CHTF18: variants seen among roughly 807,000 people sequenced by gnomAD.
CHTF18 encodes chromosome transmission fidelity protein 18 homolog.
Under a neutral mutation model 113.4 loss-of-function variants are expected in CHTF18, and 151 were observed. That is an observed-to-expected ratio of 1.33 (90% CI 1.17 to 1.52). The LOEUF is 1.52. Ranked by LOEUF, CHTF18 falls within the 40% of genes most tolerant of loss-of-function variation. The pLI is 0.00. For synonymous variants in CHTF18, 916 were observed against 598.8 expected, an observed-to-expected ratio of 1.53 and a Z score of -7.74; for missense variants, 1,982 against 1,381.6, an observed-to-expected ratio of 1.43 and a Z score of -6.89.
chr16:790,884 C>T (rs1249868866), intron 7 of CHTF18: 8 of 1,432,154 alleles, frequency 5.6e-6, no homozygotes, highest in Admixed American at 2.9e-5. Context: ...AGGGTGTCAC[C>T]TGATCCAAGT....
Position 793,993 on chromosome 16 carries a change from AC to A in CHTF18, c.1803-60del. 8.3e-6 allele frequency: 13 copies of A among 1,562,126 alleles called. No individual in the cohort carries two copies. The South Asian group carries it at 1.4e-4, about 17-fold the overall frequency. ...TGGGGCCTCTGAGTGTCCCGGGGAG[AC>A]GGGTGGGGCTGCCTGTGCTTTTAAC... On this transcript the variant is annotated intron_variant, in intron 14 of 21. Coordinates refer to ENST00000262315, the MANE Select transcript of CHTF18 (RefSeq NM_022092.3).
At chr16:796,312 C>G (rs1205923701) in intron 18 of CHTF18, among the ~76,000 whole-genome samples, 2 of 152,230 alleles carry the variant, frequency 1.3e-5, no homozygotes, top group East Asian at 1.9e-4. Context: ...TTAGCACCCC[C>G]ACATGGAACT....
chr16:797,434 C>A (rs1443919829), intron 20 of CHTF18, among the ~76,000 whole-genome samples: 1 of 152,142 alleles, frequency 6.6e-6, no homozygotes, highest in Non-Finnish European at 1.5e-5. Context: ...TCCTTACCCT[C>A]AGCATGACCA....
Position 795,283 on chromosome 16 carries a change from TGCCCGTG to T in CHTF18, c.2106_2112del (p.Val703SerfsTer26). The T allele has an allele frequency of 6.5e-6, 10 of 1,549,046 alleles. No homozygotes were observed. The highest frequency in any genetic ancestry group is 8.7e-6 in the Non-Finnish European group (10 of 1,146,750). ...CAGCTGCTGCGCTACCCACCCTTCC[TGCCCGTG>T]GCCTTCCATGTGCTGTTTGCTTCCA... On this transcript the variant is annotated frameshift_variant, in exon 16 of 22. Coordinates refer to ENST00000262315, the MANE Select transcript of CHTF18 (RefSeq NM_022092.3). LOFTEE classifies it high-confidence loss of function.
rs750381956 is a variant in CHTF18 at position 790,735 on chromosome 16, G to A, written c.894+69G>A. 47 of 1,460,808 alleles carry A rather than the reference G, an allele frequency of 3.2e-5. 1 individual carries two copies. The South Asian group carries it at 6.4e-4, about 20-fold the overall frequency. The allele number at this position is 1,460,808 out of a possible 1,614,324, so 90.5% of individuals were successfully genotyped here. A position where few individuals can be genotyped will look rare whatever the true frequency, so the allele number is the denominator to read the frequency against. On this transcript the variant is annotated intron_variant, in intron 7 of 21. Coordinates refer to ENST00000262315, the MANE Select transcript of CHTF18 (RefSeq NM_022092.3). Reference sequence around the variant, plus strand: ...CCCAAGATGGAAGAACCTGGGCCCAGTGATTTTTGCACAGCCAATCCACTG... The same window carrying A: ...CCCAAGATGGAAGAACCTGGGCCCAATGATTTTTGCACAGCCAATCCACTG...
intron 18 of CHTF18, 125 bp from the exon 19 acceptor site, chr16:796,592 G>A: frequency 8.5e-7 from 1 of 1,176,508 alleles, no homozygotes; most frequent in Non-Finnish European, 1.2e-6. Context: ...GTGGCACCAG[G>A]ACTCAGCCCC....
rs575052159 is a variant in CHTF18 at position 790,666 on chromosome 16, C to T, written c.894C>T (p.Asp298=). The T allele has an allele frequency of 3.7e-5, 58 of 1,556,006 alleles. No individual in the cohort carries two copies. Among genetic ancestry groups the T allele is most frequent in the African/African-American group, 3.0e-4 (22 of 72,900 alleles). ...ACTACACGGAGCTGCTCAGTGATGA[C>T]GTGAGGTCTTGTTCTCACTCAAGTG... ...PRHYTELLSD[D]FTNRCLLKWL... Residue 298 remains aspartate (D), a splice_region_variant and synonymous_variant, in exon 7 of 22, where the codon GAC becomes GAT. Coordinates refer to ENST00000262315, the MANE Select transcript of CHTF18 (RefSeq NM_022092.3).
intron 15 of CHTF18, 149 bp downstream of exon 15, chr16:794,350 C>T: frequency 1.1e-6 from 1 of 943,914 alleles, no homozygotes; most frequent in Non-Finnish European, 1.6e-6. Context: ...GCCAGGAAGT[C>T]TCTGAGGTGG....
At chr16:790,106 A>C in intron 4 of CHTF18, 71 bp from the exon 5 acceptor site, 3 of 1,542,282 alleles carry the variant, frequency 1.9e-6, no homozygotes, top group African/African-American at 1.4e-5. Context: ...GTCCCTGAGC[A>C]CTGATGGGGG....
In CHTF18 at chr16:788,963, C is replaced by T. The variant is rs772428981; in HGVS notation, c.124C>T (p.Leu42=). ...GACTCCGTCGCCCTCCGGGGTCCCC[C>T]TGTTCACCGCGGGCCGACCCCCGCG... ...ASTPSPSGVP[L]FTAGRPPRTF... is the part of the protein sequence containing the mutation. The change falls in exon 2 of 22, where the codon CTG becomes TTG. Residue 42 remains leucine (L), a synonymous_variant. Transcript: ENST00000262315. 2.5e-6 allele frequency: 4 copies of T among 1,570,612 alleles called. No individual in the cohort carries two copies. The highest frequency in any genetic ancestry group is 2.2e-4 in the Middle Eastern group (1 of 4,472).
intron 9 of CHTF18, 129 bp from the exon 10 acceptor site, chr16:792,095 G>A (rs902985816): frequency 1.2e-5 from 18 of 1,528,612 alleles, no homozygotes; most frequent in Middle Eastern, 1.7e-4. Flanking sequence ...GTCCTTCCTC[G>A]GGGTTCACGG....
At position 792,260 on chromosome 16, in the gene CHTF18, C is replaced by T. The variant is rs970834780; in HGVS notation, c.1239C>T (p.Ile413=). 1.3e-5 allele frequency: 20 copies of T among 1,564,916 alleles called. No individual in the cohort carries two copies. The highest frequency in any genetic ancestry group is 1.7e-4 in the Middle Eastern group (1 of 6,030). Residue 413 remains isoleucine, a synonymous_variant, in exon 10 of 22, where the codon ATC becomes ATT. Transcript: ENST00000262315. ...DRSPEVFRTR[I]EAATQMESVL... ...GCCCGGAGGTCTTCCGCACACGCAT[C>T]GAGGCGGCCACCCAGATGGAGTCGG...
chr16:790,440 C>T (rs368606827), intron 6 of CHTF18, 41 bp downstream of exon 6: 30 of 1,611,422 alleles, frequency 1.9e-5, no homozygotes, highest in South Asian at 1.7e-4. Context: ...CCCTTGTTGG[C>T]TCTTGCACCA....
rs79012976 is a variant in CHTF18, at chr16:794,685, G to T, written c.1951-447G>T. 241 of 227,352 alleles carry T rather than the reference G, an allele frequency of 1.1e-3. 1 individual carries two copies. Among genetic ancestry groups the T allele is most frequent in the African/African-American group, 5.3e-3 (233 of 44,242 alleles). The allele number at this position is 227,352 out of a possible 1,614,324, so 14.1% of individuals were successfully genotyped here. On this transcript the variant is annotated intron_variant, in intron 15 of 21. Transcript: ENST00000262315. ...AACCAATCCCCAAATCCCAAAAGCCGCGATGTGGAGGGGCAGCGTGGAGCA... is the reference window on the plus strand; with the variant it reads ...AACCAATCCCCAAATCCCAAAAGCCTCGATGTGGAGGGGCAGCGTGGAGCA...
rs2042243557 is a variant in CHTF18 at position 793,044 on chromosome 16, G to A, written c.1651G>A (p.Ala551Thr). The A allele has an allele frequency of 6.7e-7, 1 of 1,500,354 alleles. No homozygotes were observed. Among genetic ancestry groups the A allele is most frequent in the East Asian group, 2.9e-5 (1 of 34,070 alleles). 92.9% of individuals were successfully genotyped at this position (1,500,354 alleles called of 1,614,324 possible). A position where few individuals can be genotyped will look rare whatever the true frequency, so the allele number is the denominator to read the frequency against. The change falls in exon 13 of 22, where the codon GCC becomes ACC. Residue 551 changes from alanine (A) to threonine (T), a missense_variant. By Grantham distance (58) the Ala-to-Thr change is moderately conservative. Coordinates refer to ENST00000262315, the MANE Select transcript of CHTF18 (RefSeq NM_022092.3). ...TGAGAAAACTGACAATGACATCCGG[G>A]CCTGCATCAACACCCTGCAGGTGGG... ...LCEKTDNDIR[A>T]CINTLQFLYS...
intron 3 of CHTF18, 58 bp from the exon 4 acceptor site, chr16:789,489 A>G (rs1056531148): frequency 1.3e-6 from 2 of 1,548,570 alleles, no homozygotes; most frequent in East Asian, 2.3e-5. Context: ...TCGGACACCC[A>G]TATCCAAGGG....
At chr16:797,550 C>T (rs985452966) in intron 20 of CHTF18, 144 bp from the exon 21 acceptor site, 17 of 773,466 alleles carry the variant, frequency 2.2e-5, no homozygotes, top group Non-Finnish European at 3.1e-5. Context: ...GGGTGAGGGG[C>T]AGCTGGCCTG....
At chr16:789,471 G>T (rs879293672) in intron 3 of CHTF18, 76 bp from the exon 4 acceptor site, 2 of 1,539,992 alleles carry the variant, frequency 1.3e-6, no homozygotes, top group Non-Finnish European at 1.7e-6. Context: ...CCATGGCTGA[G>T]AGCAGTCTCG....
chr16:794,866 GTC>G, intron 15 of CHTF18: 1 of 462,144 alleles, frequency 2.2e-6, no homozygotes, highest in Non-Finnish European at 3.7e-6. Flanking sequence ...CCTCGTGTCA[GTC>G]TCTGTCAAGT....
Sources: allele counts gnomAD v4.1 joint callset (sites outside exome capture counted in the v4.1 genomes callset), GRCh38; gene constraint gnomAD v4.1.1; transcripts MANE v1.5; gene names NCBI Gene and HGNC (gene_info 2026-07-23, HGNC 2026-07-21).